The following GABRA3 variants were observed in gnomAD, a reference collection of about 807,000 sequenced individuals.
The protein encoded by GABRA3 is gamma-aminobutyric acid type A receptor subunit alpha3.
A neutral mutation model predicts 30.1 loss-of-function variants in GABRA3; 10 were observed. That is an observed-to-expected ratio of 0.33 (90% CI 0.20 to 0.56). GABRA3 has a LOEUF of 0.56. Among genes scored for constraint, GABRA3 ranks in the 20% least tolerant of loss-of-function variants. The pLI is 0.89. For synonymous variants in GABRA3, 151 were observed against 146.8 expected (o/e 1.03, Z -0.21); for missense variants, 233 against 392.0 (o/e 0.59, Z 3.42).
intron 9 of GABRA3, among the ~76,000 whole-genome samples, chrX:152,179,555 C>T (rs1296083667): frequency 3.8e-5 from 4 of 104,514 alleles, no homozygotes; most frequent in Admixed American, 1.0e-4. Context: ...AGTGCAGTGG[C>T]GCGATCTCGG....
chrX:152,180,177 A>G (rs1260036552), intron 9 of GABRA3, among the ~76,000 whole-genome samples: 1 of 112,173 alleles, frequency 8.9e-6, no homozygotes, highest in Non-Finnish European at 1.9e-5. Context: ...ATAGTGTGGA[A>G]GGATTCCCTT....
intron 1 of GABRA3, among the ~76,000 whole-genome samples, chrX:152,425,974 C>T (rs1404217593): frequency 9.0e-6 from 1 of 111,131 alleles, no homozygotes; most frequent in East Asian, 2.8e-4. Context: ...GAACACAGAA[C>T]TTTGTGTGTT....
chrX:152,430,102 C>T (rs1473146534), intron 1 of GABRA3, among the ~76,000 whole-genome samples: 3 of 111,702 alleles, frequency 2.7e-5, no homozygotes, highest in Non-Finnish European at 3.8e-5. Flanking sequence ...TGAGTTCACA[C>T]AGGAAAAAAA....
intron 3 of GABRA3, among the ~76,000 whole-genome samples, chrX:152,307,005 A>G (rs889166471): frequency 2.7e-5 from 3 of 110,825 alleles, no homozygotes; most frequent in Non-Finnish European, 5.7e-5. Flanking sequence ...CTGTGAGAGT[A>G]CACTGTTCAC....
At chrX:152,410,466 A>G (rs772222625) in intron 1 of GABRA3, among the ~76,000 whole-genome samples, 1 of 111,972 alleles carries the variant, frequency 8.9e-6, no homozygotes, top group African/African-American at 3.2e-5. Flanking sequence ...CTGCATCAAG[A>G]CATCACATGT....
intron 1 of GABRA3, among the ~76,000 whole-genome samples, chrX:152,397,802 G>C (rs1239083965): frequency 1.8e-5 from 2 of 111,195 alleles, no homozygotes. Context: ...CACATTTATG[G>C]ATCGGGCACA....
intron 5 of GABRA3, among the ~76,000 whole-genome samples, chrX:152,249,151 A>C (rs1255384657): frequency 6.3e-5 from 7 of 110,670 alleles, no homozygotes; most frequent in African/African-American, 2.3e-4. Context: ...TGTTCTACGG[A>C]AATGTTAACA....
At chrX:152,299,739 T>C (rs891051709) in intron 3 of GABRA3, among the ~76,000 whole-genome samples, 8 of 112,162 alleles carry the variant, frequency 7.1e-5, no homozygotes, top group African/African-American at 2.6e-4. Context: ...ATATCAAAGG[T>C]AATTACCAAA....
chrX:152,224,733 AAGAC>A (rs1937905570), intron 6 of GABRA3, 26 bp downstream of exon 6: 6 of 1,040,851 alleles, frequency 5.8e-6, no homozygotes, highest in Non-Finnish European at 7.9e-6. Flanking sequence ...GCAAAAAAAA[AAGAC>A]AGAGAGAGAG....
chrX:152,330,895 T>G (rs1352555025), intron 3 of GABRA3, among the ~76,000 whole-genome samples: 1 of 111,567 alleles, frequency 9.0e-6, no homozygotes, highest in African/African-American at 3.3e-5. Flanking sequence ...AATATTAACA[T>G]AAAAAGGAAT....
At chrX:152,222,244 T>C (rs138159503) in intron 6 of GABRA3, among the ~76,000 whole-genome samples, 2 of 108,685 alleles carry the variant, frequency 1.8e-5, no homozygotes, top group African/African-American at 6.7e-5. Flanking sequence ...CACACGCTTT[T>C]TACTTGTTTG....
intron 9 of GABRA3, among the ~76,000 whole-genome samples, chrX:152,173,752 G>A (rs1002533934): frequency 1.8e-5 from 2 of 110,810 alleles, no homozygotes; most frequent in Admixed American, 1.9e-4. Flanking sequence ...TTACAGGCAT[G>A]AGCCACCGCG....
chrX:152,287,439 T>C (rs1452204214), intron 3 of GABRA3, among the ~76,000 whole-genome samples: 1 of 110,735 alleles, frequency 9.0e-6, no homozygotes, highest in Non-Finnish European at 1.9e-5. Flanking sequence ...TTCATGAGAT[T>C]TGATGGTTTT....
At chrX:152,382,617 A>G (rs2124508260) in intron 1 of GABRA3, among the ~76,000 whole-genome samples, 1 of 111,603 alleles carries the variant, frequency 9.0e-6, no homozygotes, top group East Asian at 2.8e-4. Flanking sequence ...GCTTTTTCTC[A>G]TCTCATGTTT....
At chrX:152,284,400 G>A (rs755928711) in intron 4 of GABRA3, among the ~76,000 whole-genome samples, 34 of 111,201 alleles carry the variant, frequency 3.1e-4, no homozygotes, top group African/African-American at 1.1e-3. Flanking sequence ...TTTAATTAAG[G>A]ATAGGGAACC....
chrX:152,374,041 C>T (rs1928918493), intron 1 of GABRA3, among the ~76,000 whole-genome samples: 1 of 111,264 alleles, frequency 9.0e-6, no homozygotes, highest in South Asian at 3.8e-4. Flanking sequence ...TGGACATTTG[C>T]ATTTCTCTAA....
intron 1 of GABRA3, among the ~76,000 whole-genome samples, chrX:152,438,686 T>C (rs1407062994): frequency 8.9e-6 from 1 of 112,025 alleles, no homozygotes; most frequent in African/African-American, 3.2e-5. Context: ...TGGAAAAATC[T>C]TAAATACATA....
At chrX:152,273,497 T>C (rs1288182565) in intron 4 of GABRA3, among the ~76,000 whole-genome samples, 5 of 112,401 alleles carry the variant, frequency 4.4e-5, no homozygotes, top group Non-Finnish European at 9.4e-5. Flanking sequence ...CCCATGTTGA[T>C]TGCAGCACTA....
chrX:152,277,092 G>A (rs1304740157), intron 4 of GABRA3, among the ~76,000 whole-genome samples: 2 of 111,514 alleles, frequency 1.8e-5, no homozygotes, highest in African/African-American at 3.3e-5. Context: ...GAAATTGACA[G>A]CCTAAAATAG....
Sources: allele counts gnomAD v4.1 joint callset (sites outside exome capture counted in the v4.1 genomes callset), GRCh38; gene constraint gnomAD v4.1.1; transcripts MANE v1.5; gene names NCBI Gene and HGNC (gene_info 2026-07-23, HGNC 2026-07-21).